Variants in AKAP13 observed in about 807,000 individuals in gnomAD.
AKAP13 encodes the protein A-kinase anchoring protein 13, also known as A-kinase anchor protein 13.
AKAP13 carries 80 observed loss-of-function variants against 264.5 expected under a neutral mutation model. The ratio of observed to expected loss-of-function variants is 0.30; its 90% CI spans 0.25 to 0.36. The LOEUF is 0.36. AKAP13 is among the 10% of genes least tolerant of loss of function. The pLI is 1.00. For synonymous variants in AKAP13, 1,380 were observed against 1,250.2 expected (o/e 1.10, Z -2.19); for missense variants, 3,712 against 3,435.2 (o/e 1.08, Z -2.01).
chr15:85,669,375 T>G (rs1369504201), intron 13 of AKAP13, among the ~76,000 whole-genome samples: 1 of 152,210 alleles, frequency 6.6e-6, no homozygotes, highest in Non-Finnish European at 1.5e-5. Flanking sequence ...TATTTTTAAG[T>G]GATTATGCAT....
intron 4 of AKAP13, 128 bp from the exon 5 acceptor site, chr15:85,543,644 T>C (rs998375849): frequency 1.9e-6 from 2 of 1,067,562 alleles, no homozygotes; most frequent in Non-Finnish European, 2.6e-6. Flanking sequence ...TCACACTGTA[T>C]GTTGTAGCTT....
At chr15:85,563,326 C>CCTGTTTTTTTTTTTTTTTTTTTTTTTTTT (rs746701868) in intron 5 of AKAP13, among the ~76,000 whole-genome samples, 1 of 83,320 alleles carries the variant, frequency 1.2e-5, no homozygotes. Flanking sequence ...GTAGAATGTG[C>CCTGTTTTTTTTTTTTTTTTTTTTTTTTTT]TTGTTTTTTT....
intron 8 of AKAP13, among the ~76,000 whole-genome samples, chr15:85,634,097 G>T (rs2081976386): frequency 6.6e-6 from 1 of 152,140 alleles, no homozygotes; most frequent in African/African-American, 2.4e-5. Flanking sequence ...CCTGATTCTT[G>T]CTGTTTTTGC....
rs747852632 is a variant in AKAP13 at position 85,684,709 on chromosome 15, TA to T, written c.5157-24del. On this transcript the variant is annotated intron_variant, in intron 15 of 36. Transcript: ENST00000394518. The stretch of plus-strand genomic sequence containing the variant: ...CTTTTATTTAACTTCTGTAGCCCTT[TA>T]AAAAAAATCAATCTTCTTGTTTTTA... The T allele has an allele frequency of 1.1e-5, 17 of 1,586,856 alleles. No homozygotes were observed. In the East Asian group the frequency reaches 1.3e-4, roughly 13 times the overall value.
At chr15:85,419,315 CTG>C (rs1288929887) in intron 1 of AKAP13, among the ~76,000 whole-genome samples, 1 of 152,202 alleles carries the variant, frequency 6.6e-6, no homozygotes, top group Non-Finnish European at 1.5e-5. Context: ...TTTTGATACT[CTG>C]TGAGTTGCCA....
intron 2 of AKAP13, chr15:85,520,713 A>G (rs773816489): frequency 2.7e-5 from 14 of 518,874 alleles, no homozygotes; most frequent in Non-Finnish European, 5.4e-5. Context: ...TAAAAATATT[A>G]TAGACCGAGA....
At chr15:85,386,838 G>T (rs2070589668) in intron 1 of AKAP13, among the ~76,000 whole-genome samples, 1 of 151,326 alleles carries the variant, frequency 6.6e-6, no homozygotes, top group Non-Finnish European at 1.5e-5. Context: ...ATTGATCTGT[G>T]TCTTTCATTT....
intron 5 of AKAP13, among the ~76,000 whole-genome samples, chr15:85,563,034 T>TA (rs757901735): frequency 3.8e-4 from 58 of 151,974 alleles, no homozygotes; most frequent in Non-Finnish European, 6.2e-4. Context: ...TTTAAACAGA[T>TA]AAAAAACTCT....
At chr15:85,510,614 T>C (rs1396157114) in intron 2 of AKAP13, among the ~76,000 whole-genome samples, 3 of 152,236 alleles carry the variant, frequency 2.0e-5, no homozygotes, top group Admixed American at 2.0e-4. Flanking sequence ...CATTTGAAAA[T>C]CCTTTAATTA....
intron 8 of AKAP13, among the ~76,000 whole-genome samples, chr15:85,636,277 T>C (rs2082068569): frequency 6.6e-6 from 1 of 152,240 alleles, no homozygotes; most frequent in Non-Finnish European, 1.5e-5. Flanking sequence ...ATACATTATT[T>C]ATTCCAGTAT....
chr15:85,579,856 G>C lies in AKAP13; in HGVS notation c.1788G>C (p.Lys596Asn), dbSNP rs1242481549. Reference sequence around the variant, plus strand: ...TGATTCCAGCTGCTGCAAAAGACAAGATTTCAGATGGATTAGAACCTTATA... The same window carrying C: ...TGATTCCAGCTGCTGCAAAAGACAACATTTCAGATGGATTAGAACCTTATA... Reference protein sequence around the residue: ...SVVIPAAAKDKISDGLEPYTL... With the variant: ...SVVIPAAAKDNISDGLEPYTL... Residue 596 changes from lysine to asparagine, a missense_variant, in exon 7 of 37, where the codon AAG becomes AAC. Coordinates refer to ENST00000394518, the MANE Select transcript of AKAP13 (RefSeq NM_007200.5). 1.1e-5 allele frequency: 18 copies of C among 1,614,180 alleles called. No individual in the cohort carries two copies. Among genetic ancestry groups the C allele is most frequent in the Non-Finnish European group, 1.4e-5 (16 of 1,180,032 alleles).
chr15:85,459,833 C>G (rs1019875371), intron 1 of AKAP13, among the ~76,000 whole-genome samples: 3 of 152,132 alleles, frequency 2.0e-5, no homozygotes, highest in African/African-American at 7.2e-5. Flanking sequence ...CATCATCTAT[C>G]TAGTTAAGGT....
At position 85,520,760 on chromosome 15, in the gene AKAP13, G is replaced by A. The variant is rs117664311; in HGVS notation, c.34-668G>A. The A allele has an allele frequency of 4.0e-3, 2,050 of 514,818 alleles. 6 individuals carry two copies. The highest frequency in any genetic ancestry group is 5.8e-3 in the Non-Finnish European group (1,501 of 258,670). 31.9% of individuals were successfully genotyped at this position (514,818 alleles called of 1,614,324 possible). On this transcript the variant is annotated intron_variant, in intron 2 of 36. Coordinates refer to ENST00000394518, the MANE Select transcript of AKAP13 (RefSeq NM_007200.5). ...TCCAGGAGCTTTCCTATACAGTCAT[G>A]TGTTGTTTAAACTATGGGGATACGT...
intron 3 of AKAP13, among the ~76,000 whole-genome samples, chr15:85,531,108 G>C (rs949281410): frequency 2.0e-5 from 3 of 152,166 alleles, no homozygotes; most frequent in Admixed American, 6.5e-5. Flanking sequence ...TGATCTGCCT[G>C]CCTCGGCCTC....
chr15:85,407,309 C>T (rs1468698955), intron 1 of AKAP13, among the ~76,000 whole-genome samples: 1 of 146,614 alleles, frequency 6.8e-6, no homozygotes, highest in Non-Finnish European at 1.5e-5. Context: ...CTCACTGCAA[C>T]CTCCGCCTCC....
intron 1 of AKAP13, among the ~76,000 whole-genome samples, chr15:85,440,424 G>T (rs1374984432): frequency 6.6e-6 from 1 of 152,130 alleles, no homozygotes; most frequent in Non-Finnish European, 1.5e-5. Context: ...TGACTGTATT[G>T]TAAATTCATG....
intron 1 of AKAP13, among the ~76,000 whole-genome samples, chr15:85,395,193 G>C (rs1325596494): frequency 1.3e-5 from 2 of 152,190 alleles, no homozygotes; most frequent in African/African-American, 4.8e-5. Context: ...GAAGAATTCT[G>C]ATAGCTTGGC....
At chr15:85,494,138 A>G (rs1216068961) in intron 2 of AKAP13, among the ~76,000 whole-genome samples, 1 of 152,222 alleles carries the variant, frequency 6.6e-6, no homozygotes, top group African/African-American at 2.4e-5. Flanking sequence ...TCTGGAACAG[A>G]TAAATTATGG....
In AKAP13 at chr15:85,533,620, G is replaced by A. The variant is rs377643462; in HGVS notation, c.218G>A (p.Cys73Tyr). 26 of 1,613,734 alleles carry A rather than the reference G, an allele frequency of 1.6e-5. No homozygotes were observed. Among genetic ancestry groups the A allele is most frequent in the Non-Finnish European group, 2.1e-5 (25 of 1,179,844 alleles). ...DCCETVKVQL[C>Y]ASKEGLPVFV... is the part of the protein sequence containing the mutation. ...TGTGAAACAGTGAAGGTGCAGCTCTGTGCTTCCAAAGAGGGCCTTCCCGTG... is the reference window on the plus strand; with the variant it reads ...TGTGAAACAGTGAAGGTGCAGCTCTATGCTTCCAAAGAGGGCCTTCCCGTG... Residue 73 changes from cysteine (C) to tyrosine (Y), a missense_variant, in exon 4 of 37, where the codon TGT becomes TAT. By Grantham distance (194) the Cys-to-Tyr change is radical. Coordinates refer to ENST00000394518, the MANE Select transcript of AKAP13 (RefSeq NM_007200.5).
Sources: allele counts gnomAD v4.1 joint callset (sites outside exome capture counted in the v4.1 genomes callset), GRCh38; gene constraint gnomAD v4.1.1; transcripts MANE v1.5; gene names NCBI Gene and HGNC (gene_info 2026-07-23, HGNC 2026-07-21).